The following CADPS variants were observed in gnomAD, a reference collection of about 807,000 sequenced individuals.
CADPS encodes the protein calcium-dependent secretion activator 1.
A neutral mutation model predicts 167.3 loss-of-function variants in CADPS; 57 were observed. The observed-to-expected ratio is 0.34, with a 90% CI of 0.28 to 0.42. CADPS has a LOEUF of 0.42. CADPS is among the 20% of genes least tolerant of loss of function. The pLI is 1.00. For missense variants in CADPS, 1,414 were observed against 1,738.1 expected (o/e 0.81, Z 3.32); for synonymous variants, 676 against 635.3 (o/e 1.06, Z -0.96).
chr3:62,585,009 A>G (rs1399590312), intron 8 of CADPS, among the ~76,000 whole-genome samples, 176 bp downstream of exon 8: 1 of 152,268 alleles, frequency 6.6e-6, no homozygotes, highest in Non-Finnish European at 1.5e-5. Context: ...ATGCAAATAC[A>G]GTCATCCTAA....
intron 3 of CADPS, among the ~76,000 whole-genome samples, chr3:62,668,604 A>T (rs1348404472): frequency 1.3e-5 from 2 of 152,064 alleles, no homozygotes; most frequent in Non-Finnish European, 2.9e-5. Context: ...CCTTATAATG[A>T]TGCACCTTTC....
At chr3:62,564,984 G>A (rs189579934) in intron 9 of CADPS, among the ~76,000 whole-genome samples, 1 of 152,228 alleles carries the variant, frequency 6.6e-6, no homozygotes, top group African/African-American at 2.4e-5. Context: ...AACCTGATAT[G>A]GGTGATAAGT....
chr3:62,465,113 A>G lies in CADPS; in HGVS notation c.3636+254T>C, dbSNP rs988518482. Among the ~76,000 whole-genome samples, 2 of 152,246 alleles carry G rather than the reference A, an allele frequency of 1.3e-5. No homozygotes were observed. Among genetic ancestry groups the G allele is most frequent in the South Asian group, 4.1e-4 (2 of 4,826 alleles). Reference sequence around the variant, plus strand: ...TAGGTAGGCAAATCTCTGGATGCATACAAATAGCAATGTGTGTGTGTGTTC... The same window carrying G: ...TAGGTAGGCAAATCTCTGGATGCATGCAAATAGCAATGTGTGTGTGTGTTC... On this transcript the variant is annotated intron_variant, in intron 26 of 29. Transcript: ENST00000383710. The surrounding 1 kb of genome is among the most constrained non-coding windows in gnomAD (Gnocchi z 4.1).
At chr3:62,638,441 T>G (rs2066762804) in intron 6 of CADPS, among the ~76,000 whole-genome samples, 1 of 152,156 alleles carries the variant, frequency 6.6e-6, no homozygotes, top group African/African-American at 2.4e-5. Context: ...TGAACAGTGA[T>G]AGAAAAACAG....
intron 3 of CADPS, among the ~76,000 whole-genome samples, chr3:62,731,590 C>G (rs990323155): frequency 6.6e-6 from 1 of 151,856 alleles, no homozygotes; most frequent in Non-Finnish European, 1.5e-5. Flanking sequence ...AGCTCTGGTT[C>G]TAAACTTCTG....
intron 6 of CADPS, among the ~76,000 whole-genome samples, chr3:62,631,688 C>T (rs2065302443): frequency 6.6e-6 from 1 of 152,130 alleles, no homozygotes; most frequent in African/African-American, 2.4e-5. Context: ...ATTGAGATTG[C>T]TCAGTGAGAC....
At chr3:62,627,130 TTGTG>T (rs10547515) in intron 6 of CADPS, among the ~76,000 whole-genome samples, 3,148 of 147,504 alleles carry the variant, frequency 0.021, 76 homozygotes, top group Admixed American at 0.053. Flanking sequence ...TACTTTCCAG[TTGTG>T]TGTGTGTGTG....
Position 62,875,079 on chromosome 3 carries a change from A to C in CADPS, c.-50T>G. On this transcript the variant is annotated 5_prime_UTR_variant, in exon 1 of 30. Coordinates refer to ENST00000383710, the MANE Select transcript of CADPS (RefSeq NM_003716.4). ...CTGGAGCCCCCGGCTTGGAGTGCAA[A>C]AGGTGGGGGGCGCTGGAGGCAGCCG... 1 of 1,527,406 alleles carries C rather than the reference A, an allele frequency of 6.5e-7. No homozygotes were observed. Among genetic ancestry groups the C allele is most frequent in the East Asian group, 2.7e-5 (1 of 37,262 alleles). The allele number at this position is 1,527,406 out of a possible 1,614,324, so 94.6% of individuals were successfully genotyped here.
chr3:62,660,868 G>A (rs1481590254), intron 4 of CADPS, among the ~76,000 whole-genome samples: 2 of 152,094 alleles, frequency 1.3e-5, no homozygotes, highest in African/African-American at 4.8e-5. Flanking sequence ...TTTAAATTTT[G>A]TGCCTGACAT....
At chr3:62,414,850 T>G (rs1157703578) in intron 28 of CADPS, among the ~76,000 whole-genome samples, 1 of 152,210 alleles carries the variant, frequency 6.6e-6, no homozygotes, top group Non-Finnish European at 1.5e-5. Context: ...TCAAGTGGCC[T>G]GGGCCTTGTC....
At chr3:62,849,133 T>G (rs1427493093) in intron 1 of CADPS, among the ~76,000 whole-genome samples, 1 of 151,546 alleles carries the variant, frequency 6.6e-6, no homozygotes, top group Non-Finnish European at 1.5e-5. Flanking sequence ...TTTTGTATCC[T>G]GAGACTTTGC....
chr3:62,485,098 G>A (rs1049528715), intron 21 of CADPS, among the ~76,000 whole-genome samples: 1 of 151,982 alleles, frequency 6.6e-6, no homozygotes, highest in South Asian at 2.1e-4. Context: ...TAGAATATCT[G>A]TTTATGTATT....
chr3:62,776,655 A>AAACAAC (rs773417197), intron 1 of CADPS, among the ~76,000 whole-genome samples: 6 of 152,020 alleles, frequency 3.9e-5, no homozygotes, highest in Admixed American at 6.6e-5. Context: ...CTCCATCTCA[A>AAACAAC]AACAACAACA....
intron 6 of CADPS, among the ~76,000 whole-genome samples, chr3:62,644,333 G>A (rs984890066): frequency 6.6e-6 from 1 of 152,092 alleles, no homozygotes; most frequent in Non-Finnish European, 1.5e-5. Flanking sequence ...AGAAAAGGAA[G>A]GGAGAGGAAA....
At chr3:62,653,410 A>T (rs1338481612) in intron 4 of CADPS, among the ~76,000 whole-genome samples, 1 of 152,114 alleles carries the variant, frequency 6.6e-6, no homozygotes, top group Admixed American at 6.6e-5. Context: ...TGGTGGCTTG[A>T]TTTTGAACTT....
chr3:62,691,179 T>C (rs2079040296), intron 3 of CADPS, among the ~76,000 whole-genome samples: 2 of 151,898 alleles, frequency 1.3e-5, no homozygotes, highest in African/African-American at 4.8e-5. Flanking sequence ...GAGGGAGTGA[T>C]GAAAAGGCAG....
chr3:62,790,775 G>T (rs934686800), intron 1 of CADPS, among the ~76,000 whole-genome samples: 1 of 152,252 alleles, frequency 6.6e-6, no homozygotes, highest in Non-Finnish European at 1.5e-5. Context: ...GGGCATTCAT[G>T]GAAGTCCAGC....
At chr3:62,838,572 G>A (rs1358005515) in intron 1 of CADPS, among the ~76,000 whole-genome samples, 1 of 152,096 alleles carries the variant, frequency 6.6e-6, no homozygotes, top group African/African-American at 2.4e-5. Flanking sequence ...TTTCAAAAGG[G>A]TTAAGAACAC....
intron 6 of CADPS, among the ~76,000 whole-genome samples, chr3:62,608,027 T>C (rs1481930587): frequency 1.3e-5 from 2 of 152,120 alleles, no homozygotes; most frequent in Non-Finnish European, 2.9e-5. Context: ...GAGTTGTTCT[T>C]GAAAAGTGAT....
Sources: allele counts gnomAD v4.1 joint callset (sites outside exome capture counted in the v4.1 genomes callset), GRCh38; gene constraint gnomAD v4.1.1; non-coding constraint Gnocchi (gnomAD v3.1); transcripts MANE v1.5; gene names NCBI Gene and HGNC (gene_info 2026-07-23, HGNC 2026-07-21).